The following SOHLH2 variants were observed in gnomAD, a reference collection of about 807,000 sequenced individuals.
SOHLH2 encodes spermatogenesis and oogenesis specific basic helix-loop-helix 2.
SOHLH2 carries 22 observed loss-of-function variants against 50.4 expected under a neutral mutation model. The observed-to-expected ratio is 0.44, with a 90% CI of 0.31 to 0.62. The LOEUF (loss-of-function observed/expected upper bound fraction) is 0.62. Among genes scored for constraint, SOHLH2 ranks in the 20% least tolerant of loss-of-function variants. SOHLH2 has a pLI of 0.08. For missense variants in SOHLH2, 412 were observed against 504.4 expected (o/e 0.82, Z 1.76); for synonymous variants, 185 against 187.3 (o/e 0.99, Z 0.10).
chr13:36,181,579 A>G (rs1192684708), intron 6 of SOHLH2, among the ~76,000 whole-genome samples: 1 of 152,224 alleles, frequency 6.6e-6, no homozygotes, highest in Admixed American at 6.5e-5. Context: ...CATAAAATGT[A>G]TAACTGCAGA....
At chr13:36,205,207 C>T (rs1451786230) in intron 1 of SOHLH2, among the ~76,000 whole-genome samples, 2 of 152,268 alleles carry the variant, frequency 1.3e-5, no homozygotes, top group Admixed American at 1.3e-4. Context: ...GGCAATCCTA[C>T]CGCCTTCAAA....
chr13:36,189,919 C>A, intron 6 of SOHLH2, 27 bp downstream of exon 6: 2 of 1,549,390 alleles, frequency 1.3e-6, no homozygotes, highest in South Asian at 1.2e-5. Flanking sequence ...AAGAATAATG[C>A]TTAAAAAGTG....
At chr13:36,205,430 A>C (rs977615223) in intron 1 of SOHLH2, among the ~76,000 whole-genome samples, 19 of 152,134 alleles carry the variant, frequency 1.2e-4, no homozygotes, top group Non-Finnish European at 2.4e-4. Context: ...CAGTTAAAAA[A>C]GTTTCTATTT....
In SOHLH2 at chr13:36,173,736, C is replaced by G. The variant is rs760188749; in HGVS notation, c.956G>C (p.Cys319Ser). 1.2e-6 allele frequency: 2 copies of G among 1,613,802 alleles called. No homozygotes were observed. Among genetic ancestry groups the G allele is most frequent in the Non-Finnish European group, 1.7e-6 (2 of 1,179,994 alleles). The change falls in exon 9 of 11, where the codon TGC becomes TCC. Residue 319 changes from cysteine (C) to serine (S), a missense_variant. Coordinates refer to ENST00000379881, the MANE Select transcript of SOHLH2 (RefSeq NM_017826.3). ...QFLTNTCWNG[C>S]STPDAESSLD... ...GGAGCTCTCTGCATCAGGAGTGGAG[C>G]ACCCATTCCAGCACGTATTAGTCAG... is the stretch of plus-strand genomic sequence containing the variant.
rs1161863653 is a variant in SOHLH2, at chr13:36,168,955, C to G, written c.*79G>C. ...GGTCTTTGGGTGGAGCTTTCAAAAT[C>G]ATTCTTTGTTCCACTTTTCCTAGAT... On this transcript the variant is annotated 3_prime_UTR_variant, in exon 11 of 11. Transcript: ENST00000379881. The G allele has an allele frequency of 6.4e-7, 1 of 1,553,596 alleles. No homozygotes were observed. Among genetic ancestry groups the G allele is most frequent in the African/African-American group, 1.4e-5 (1 of 72,232 alleles).
At chr13:36,214,427 G>T in intron 1 of SOHLH2, 52 bp downstream of exon 1, 1 of 1,588,264 alleles carries the variant, frequency 6.3e-7, no homozygotes, top group African/African-American at 1.3e-5. Context: ...CCGACCTAGG[G>T]CCCGCCCGCG....
At chr13:36,176,043 C>A (rs1210206252) in intron 6 of SOHLH2, among the ~76,000 whole-genome samples, 1 of 152,048 alleles carries the variant, frequency 6.6e-6, no homozygotes, top group African/African-American at 2.4e-5. Flanking sequence ...TAGGAGGATG[C>A]CTTAAGTAAG....
At chr13:36,186,237 T>A (rs1887414107) in intron 6 of SOHLH2, among the ~76,000 whole-genome samples, 1 of 152,118 alleles carries the variant, frequency 6.6e-6, no homozygotes, top group South Asian at 2.1e-4. Flanking sequence ...AAATTTTACA[T>A]CCATTCATGA....
chr13:36,181,787 T>TG (rs1261655470), intron 6 of SOHLH2, among the ~76,000 whole-genome samples: 1 of 152,208 alleles, frequency 6.6e-6, no homozygotes, highest in African/African-American at 2.4e-5. Context: ...GTCCTTCTAG[T>TG]GATTCGAGTT....
chr13:36,184,788 C>T (rs367913887), intron 6 of SOHLH2, among the ~76,000 whole-genome samples: 13 of 152,280 alleles, frequency 8.5e-5, no homozygotes, highest in African/African-American at 3.1e-4. Context: ...TTCTGGGATA[C>T]ATGTGCAGAA....
chr13:36,189,974 GAAGA>G lies in SOHLH2; in HGVS notation c.609_612del (p.Leu204PhefsTer8), dbSNP rs1178013720. The G allele has an allele frequency of 6.3e-7, 1 of 1,599,448 alleles. No homozygotes were observed. Among genetic ancestry groups the G allele is most frequent in the Non-Finnish European group, 8.5e-7 (1 of 1,171,120 alleles). ...CTTAGTTTTTCCTTGCTTGAATGAA[GAAGA>G]GAGATCTTTTTGTTTTTCTCGAACT... On this transcript the variant is annotated frameshift_variant, in exon 6 of 11. Coordinates refer to ENST00000379881, the MANE Select transcript of SOHLH2 (RefSeq NM_017826.3). LOFTEE classifies it high-confidence loss of function.
chr13:36,186,921 G>A (rs1388242503), intron 6 of SOHLH2, among the ~76,000 whole-genome samples: 3 of 152,120 alleles, frequency 2.0e-5, no homozygotes, highest in East Asian at 1.9e-4. Flanking sequence ...AAGCAGGTGA[G>A]TGGAAGAGGA....
chr13:36,179,442 T>C (rs1453347950), intron 6 of SOHLH2, among the ~76,000 whole-genome samples: 3 of 152,352 alleles, frequency 2.0e-5, no homozygotes, highest in Non-Finnish European at 2.9e-5. Context: ...AGAGTCTCAC[T>C]CTATCATCCA....
chr13:36,192,688 T>C (rs371097137), intron 4 of SOHLH2, among the ~76,000 whole-genome samples: 24 of 152,326 alleles, frequency 1.6e-4, no homozygotes, highest in Middle Eastern at 3.4e-3. Context: ...GGTGTACAAC[T>C]TGAGTTGATA....
chr13:36,202,935 A>G (rs978949036), intron 1 of SOHLH2, among the ~76,000 whole-genome samples: 3 of 152,210 alleles, frequency 2.0e-5, no homozygotes, highest in African/African-American at 7.2e-5. Context: ...TGCTGGTGTA[A>G]GTGGCCCCGT....
chr13:36,202,635 A>C (rs1293866504), intron 1 of SOHLH2, among the ~76,000 whole-genome samples: 1 of 152,200 alleles, frequency 6.6e-6, no homozygotes, highest in East Asian at 1.9e-4. Context: ...ATTTGGAGAT[A>C]TTTTCAAGTA....
chr13:36,171,112 C>G (rs1886951721), intron 9 of SOHLH2, among the ~76,000 whole-genome samples: 1 of 152,118 alleles, frequency 6.6e-6, no homozygotes, highest in Non-Finnish European at 1.5e-5. Context: ...TTGGAAAGAA[C>G]AACTCCATTC....
intron 6 of SOHLH2, among the ~76,000 whole-genome samples, chr13:36,178,459 T>A (rs1566036610): frequency 6.6e-6 from 1 of 152,224 alleles, no homozygotes; most frequent in Non-Finnish European, 1.5e-5. Context: ...AGTGCTGGGC[T>A]ATTGTGTTCC....
intron 6 of SOHLH2, among the ~76,000 whole-genome samples, chr13:36,179,275 TA>T (rs1301414631): frequency 7.2e-5 from 11 of 152,366 alleles, no homozygotes; most frequent in South Asian, 4.1e-4. Context: ...TTGAGGAAGT[TA>T]TCTTCCACAT....
Sources: allele counts gnomAD v4.1 joint callset (sites outside exome capture counted in the v4.1 genomes callset), GRCh38; gene constraint gnomAD v4.1.1; transcripts MANE v1.5; gene names NCBI Gene and HGNC (gene_info 2026-07-23, HGNC 2026-07-21).